Variants in A2M observed in about 807,000 individuals in gnomAD.
The protein encoded by A2M is alpha-2-macroglobulin.
A2M carries 128 observed loss-of-function variants against 183.9 expected under a neutral mutation model. That is an observed-to-expected ratio of 0.70 (90% CI 0.60 to 0.81). The LOEUF (loss-of-function observed/expected upper bound fraction) is 0.81, where lower values mean the gene tolerates loss of function less well. Ranked by LOEUF, A2M falls within the 30% of genes least tolerant of loss-of-function variation. The probability of loss-of-function intolerance (pLI) is 0.00; values close to 1 mark genes in which losing one functional copy is unlikely to be tolerated. For missense variants in A2M, 1,495 were observed against 1,787.6 expected, an observed-to-expected ratio of 0.84 and a Z score of 2.95; for synonymous variants, 592 against 670.8, an observed-to-expected ratio of 0.88 and a Z score of 1.81.
intron 32 of A2M, among the ~76,000 whole-genome samples, chr12:9,070,069 A>G (rs886147254): frequency 6.6e-6 from 1 of 152,230 alleles, no homozygotes; most frequent in African/African-American, 2.4e-5. Flanking sequence ...GTAGTTACTC[A>G]TATTTCAAAG....
intron 33 of A2M, 91 bp from the exon 34 acceptor site, chr12:9,068,933 A>C (rs991638668): frequency 2.3e-6 from 2 of 874,532 alleles, no homozygotes. Flanking sequence ...TTGGGGGAAA[A>C]GCTTTATTAT....
At chr12:9,095,272 C>A (rs117689344) in intron 16 of A2M, among the ~76,000 whole-genome samples, 188 bp from the exon 17 acceptor site, 1 of 152,154 alleles carries the variant, frequency 6.6e-6, no homozygotes, top group South Asian at 2.1e-4. Context: ...ACTCTTTCAA[C>A]AGTAATTATT....
Position 9,093,578 on chromosome 12 carries a change from C to A in A2M, c.2127G>T (p.Glu709Asp), listed in dbSNP as rs774548194. 5.7e-6 allele frequency: 9 copies of A among 1,567,486 alleles called. No individual in the cohort carries two copies. The South Asian group carries it at 1.1e-4, about 18-fold the overall frequency. Residue 709 changes from glutamate (E) to aspartate (D), a missense_variant and splice_region_variant, in exon 18 of 36, where the codon GAG becomes GAT. Physicochemically the swap from Glu to Asp is conservative, Grantham distance 45. Coordinates refer to ENST00000318602, the MANE Select transcript of A2M (RefSeq NM_000014.6). ...CATGGCCTCTTCCCATTACATCTGA[C>A]TCTATGGTGAGTGAGGAAGAAGACA... ...GPEGLRVGFY[E>D]SDVMGRGHAR...
chr12:9,090,314 A>G (rs774225454), intron 20 of A2M, 42 bp downstream of exon 20: 1 of 1,613,554 alleles, frequency 6.2e-7, no homozygotes, highest in Admixed American at 1.7e-5. Context: ...TGCCATATAC[A>G]ATCTTTGAGT....
At chr12:9,076,289 C>A (rs1417626342) in intron 28 of A2M, among the ~76,000 whole-genome samples, 1 of 152,190 alleles carries the variant, frequency 6.6e-6, no homozygotes, top group African/African-American at 2.4e-5. Context: ...AAGTGTTTTA[C>A]GTGTACCAAT....
chr12:9,076,658 G>T, intron 28 of A2M, 98 bp downstream of exon 28: 1 of 1,081,584 alleles, frequency 9.2e-7, no homozygotes. Context: ...AAAGAAGAGA[G>T]GAGACAGGGA....
chr12:9,078,011 T>G (rs886252449), intron 25 of A2M, among the ~76,000 whole-genome samples, 154 bp from the exon 26 acceptor site: 6 of 152,344 alleles, frequency 3.9e-5, no homozygotes, highest in African/African-American at 1.4e-4. Flanking sequence ...TCTGCCTGAT[T>G]AATCTGCTAG....
intron 22 of A2M, among the ~76,000 whole-genome samples, chr12:9,085,983 A>G (rs10842847): frequency 0.53 from 81,126 of 151,950 alleles, 22,811 homozygotes; most frequent in African/African-American, 0.69. Flanking sequence ...TAATGAGTAA[A>G]GAGATTGAAT....
chr12:9,076,539 C>T (rs927672326), intron 28 of A2M, among the ~76,000 whole-genome samples: 6 of 152,166 alleles, frequency 3.9e-5, no homozygotes, highest in African/African-American at 1.2e-4. Flanking sequence ...ATAACCCCAT[C>T]GTAATTGAGA....
At chr12:9,082,162 C>T (rs1465632827) in intron 22 of A2M, among the ~76,000 whole-genome samples, 1 of 152,198 alleles carries the variant, frequency 6.6e-6, no homozygotes, top group Admixed American at 6.5e-5. Flanking sequence ...TCCATGGCTC[C>T]ATTCACAAGG....
In A2M at chr12:9,102,235, A is replaced by T. The variant is rs143339931; in HGVS notation, c.1267-561T>A. ...GATTGCTATTATTATTATTTTTTTGAGACAGGGTTTTGCTCTGGCGCCCAT... is the reference window on the plus strand; with the variant it reads ...GATTGCTATTATTATTATTTTTTTGTGACAGGGTTTTGCTCTGGCGCCCAT... On this transcript the variant is annotated intron_variant, in intron 11 of 35. Transcript: ENST00000318602. 6.5e-3 allele frequency among the ~76,000 whole-genome samples: 988 copies of T among 152,098 alleles called. 8 individuals are homozygous for T. Among genetic ancestry groups the T allele is most frequent in the Non-Finnish European group, 9.8e-3 (667 of 67,996 alleles).
At position 9,105,407 on chromosome 12, in the gene A2M, T is replaced by G. The variant is rs777471018; in HGVS notation, c.1104+829A>C. Among the ~76,000 whole-genome samples, 4 of 152,370 alleles carry G rather than the reference T, an allele frequency of 2.6e-5. No individual in the cohort carries two copies. In the South Asian group the frequency reaches 8.3e-4, roughly 32 times the overall value. ...GAGCTACACTTTCATTTTAGGAAGT[T>G]GAATACATTTTGGTGTCATGACATA... On this transcript the variant is annotated intron_variant, in intron 10 of 35. Transcript: ENST00000318602.
intron 9 of A2M, 72 bp downstream of exon 9, chr12:9,106,419 T>G: frequency 3.5e-6 from 5 of 1,428,312 alleles, no homozygotes; most frequent in Non-Finnish European, 4.9e-6. Flanking sequence ...TCCCCCCAAC[T>G]TACAATTCAT....
In A2M at chr12:9,106,520, G is replaced by T. The variant is rs775603977; in HGVS notation, c.965C>A (p.Thr322Asn). 2.5e-6 allele frequency: 4 copies of T among 1,598,462 alleles called. No individual in the cohort carries two copies. In the South Asian group the frequency reaches 4.5e-5, roughly 18 times the overall value. The change falls in exon 9 of 36, where the codon ACT becomes AAT. Residue 322 changes from threonine to asparagine, a missense_variant. Physicochemically the swap from Thr to Asn is moderately conservative, Grantham distance 65. Transcript: ENST00000318602. ...TCCTTCTTCTTGGATCTGGGCCTCA[G>T]TGTGAAGTTTCATTTCATACTCCTT... ...KRKEYEMKLHTEAQIQEEGTV... is the reference protein window; with the variant it reads ...KRKEYEMKLHNEAQIQEEGTV...
intron 24 of A2M, 27 bp from the exon 25 acceptor site, chr12:9,079,358 A>G (rs1944219050): frequency 1.9e-6 from 3 of 1,594,248 alleles, no homozygotes; most frequent in South Asian, 1.1e-5. Flanking sequence ...ACGAAACAGC[A>G]CAATGGATTA....
rs754238909 is a variant in A2M at position 9,107,566 on chromosome 12, G to A, written c.837C>T (p.His279=). 26 of 1,613,794 alleles carry A rather than the reference G, an allele frequency of 1.6e-5. No individual in the cohort carries two copies. The highest frequency in any genetic ancestry group is 1.6e-4 in the Middle Eastern group (1 of 6,084). ...CACAGAAAGCCTGTGAATCTTCACC[G>A]TGGCAGTCGGAAGCGTCACTATACT... ...CRKYSDASDC[H]GEDSQAFCEK... is the part of the protein sequence containing the mutation. The change falls in exon 8 of 36, where the codon CAC becomes CAT. Residue 279 remains histidine (H), a synonymous_variant. Coordinates refer to ENST00000318602, the MANE Select transcript of A2M (RefSeq NM_000014.6).
At chr12:9,108,971 A>G (rs1938515821) in intron 7 of A2M, among the ~76,000 whole-genome samples, 1 of 152,092 alleles carries the variant, frequency 6.6e-6, no homozygotes, top group Non-Finnish European at 1.5e-5. Flanking sequence ...TCCCTAATAT[A>G]CGTTTGGTTA....
chr12:9,100,730 A>T (rs926580155), intron 13 of A2M, among the ~76,000 whole-genome samples: 5 of 152,236 alleles, frequency 3.3e-5, no homozygotes, highest in Admixed American at 2.0e-4. Context: ...GTTACTTGAA[A>T]GTATTCCTGA....
chr12:9,089,313 T>C (rs995045362), intron 21 of A2M, 62 bp from the exon 22 acceptor site: 5 of 1,155,274 alleles, frequency 4.3e-6, no homozygotes, highest in Non-Finnish European at 5.1e-6. Context: ...TGTGTTTTAA[T>C]GGAGGGACCA....
Sources: gnomAD v4.1 joint callset for allele counts (sites outside exome capture counted in the v4.1 genomes callset) on GRCh38, gnomAD v4.1.1 for gene constraint, MANE v1.5 for transcripts, NCBI Gene and HGNC (gene_info 2026-07-23, HGNC 2026-07-21) for gene names.